Variants in TEAD4 observed in about 807,000 individuals in gnomAD.
The protein encoded by TEAD4 is transcriptional enhancer factor TEF-3.
Under a neutral mutation model 52.4 loss-of-function variants are expected in TEAD4, and 36 were observed. That is an observed-to-expected ratio of 0.69 (90% CI 0.53 to 0.91). The LOEUF (loss-of-function observed/expected upper bound fraction) is 0.91. Ranked by LOEUF, TEAD4 falls within the 40% of genes least tolerant of loss-of-function variation. The pLI, the probability that TEAD4 is intolerant of heterozygous loss-of-function variation, is 0.00. For missense variants in TEAD4, 508 were observed against 583.9 expected (o/e 0.87, Z 1.34); for synonymous variants, 220 against 231.0 (o/e 0.95, Z 0.43).
chr12:3,030,369 G>T (rs1257279973), intron 10 of TEAD4, among the ~76,000 whole-genome samples: 4 of 152,086 alleles, frequency 2.6e-5, no homozygotes, highest in Admixed American at 6.6e-5. Flanking sequence ...GCATGGGAGG[G>T]GTGGGCCTGG....
intron 2 of TEAD4, among the ~76,000 whole-genome samples, chr12:2,991,509 A>G (rs186811415): frequency 2.0e-3 from 304 of 152,252 alleles, no homozygotes; most frequent in Non-Finnish European, 3.8e-3. Context: ...TAAAAATACA[A>G]AAATCAGCTG....
chr12:2,965,486 TA>T lies in TEAD4; in HGVS notation c.-30+5457del, dbSNP rs1370799281. 9.0e-3 allele frequency among the ~76,000 whole-genome samples: 1,317 copies of T among 146,496 alleles called. 59 individuals are homozygous for T. The highest frequency in any genetic ancestry group is 0.075 in the Admixed American group (1,106 of 14,800). ...ATTTAAAATTTTCTAGTAGCCACCT[TA>T]AAAAAAAAAAGTGAAGTTAATGTTG... On this transcript the variant is annotated intron_variant, in intron 2 of 12. Transcript: ENST00000359864.
At chr12:2,978,938 T>C (rs2098232021) in intron 2 of TEAD4, among the ~76,000 whole-genome samples, 1 of 151,340 alleles carries the variant, frequency 6.6e-6, no homozygotes, top group Non-Finnish European at 1.5e-5. Flanking sequence ...GTTTTGGAGA[T>C]GGAGTCTCAC....
intron 2 of TEAD4, among the ~76,000 whole-genome samples, chr12:2,971,141 A>G (rs1316174658): frequency 3.3e-5 from 5 of 152,174 alleles, no homozygotes; most frequent in Admixed American, 3.3e-4. Context: ...TCCTCATGGA[A>G]CTTGCAGGGA....
chr12:3,040,297 G>C (rs2098281965), intron 12 of TEAD4, 38 bp downstream of exon 12: 1 of 1,613,918 alleles, frequency 6.2e-7, no homozygotes, highest in Non-Finnish European at 8.5e-7. Flanking sequence ...TGGAGTCTGT[G>C]TGTGGGTAGC....
At chr12:2,993,514 A>T (rs576381923) in intron 2 of TEAD4, among the ~76,000 whole-genome samples, 112 of 152,238 alleles carry the variant, frequency 7.4e-4, no homozygotes, top group African/African-American at 2.5e-3. Context: ...TCTGTCACCC[A>T]GGCTGGAGTG....
intron 3 of TEAD4, among the ~76,000 whole-genome samples, chr12:3,000,260 G>A (rs556122788): frequency 6.6e-6 from 1 of 152,204 alleles, no homozygotes; most frequent in Non-Finnish European, 1.5e-5. Context: ...GCTTGTCTTG[G>A]TCTGTTTTCT....
intron 5 of TEAD4, among the ~76,000 whole-genome samples, chr12:3,013,839 C>T (rs553832220): frequency 6.6e-6 from 1 of 152,326 alleles, no homozygotes; most frequent in African/African-American, 2.4e-5. Context: ...GCACCTGTGA[C>T]TGGCCACTTC....
chr12:2,990,061 A>G (rs1285944441), intron 2 of TEAD4, among the ~76,000 whole-genome samples: 1 of 152,218 alleles, frequency 6.6e-6, no homozygotes, highest in Non-Finnish European at 1.5e-5. Flanking sequence ...TTTAAAAAAT[A>G]CATCTGGGTA....
chr12:2,993,868 A>C (rs1206186265), intron 2 of TEAD4, among the ~76,000 whole-genome samples: 1 of 152,142 alleles, frequency 6.6e-6, no homozygotes, highest in Non-Finnish European at 1.5e-5. Flanking sequence ...TAATGTCCTA[A>C]AGGTCCGTCT....
At chr12:2,996,429 A>G (rs1352794184) in intron 3 of TEAD4, among the ~76,000 whole-genome samples, 1 of 135,912 alleles carries the variant, frequency 7.4e-6, no homozygotes, top group Non-Finnish European at 1.6e-5. Flanking sequence ...TTTTTTTGAG[A>G]TGGAGTTTCA....
intron 10 of TEAD4, among the ~76,000 whole-genome samples, chr12:3,036,809 A>G (rs2098279688): frequency 1.3e-5 from 2 of 152,072 alleles, no homozygotes; most frequent in Admixed American, 6.6e-5. Flanking sequence ...CAGGAATACA[A>G]TTCCTGCCTC....
intron 10 of TEAD4, among the ~76,000 whole-genome samples, chr12:3,026,165 T>C (rs544668682): frequency 6.6e-6 from 1 of 152,386 alleles, no homozygotes; most frequent in South Asian, 2.1e-4. Context: ...GGAATCTCTG[T>C]TATGATGTTG....
rs1359207116 is a variant in TEAD4 at position 2,975,394 on chromosome 12, TTATTATTAC to T, written c.-30+15357_-30+15365del. ...ATTATTATTATTATTATTATTATTA[TTATTATTAC>T]TAGAGATGGAGTCTTGCTCTTGTTG... is the stretch of plus-strand genomic sequence containing the variant. On this transcript the variant is annotated intron_variant, in intron 2 of 12. Transcript: ENST00000359864. 5.5e-4 allele frequency among the ~76,000 whole-genome samples: 26 copies of T among 47,454 alleles called. 1 individual carries two copies. The highest frequency in any genetic ancestry group is 2.1e-3 in the African/African-American group (26 of 12,226). 31.1% of individuals were successfully genotyped at this position (47,454 alleles called of 152,430 possible).
At chr12:3,018,464 C>T in intron 6 of TEAD4, 81 bp from the exon 7 acceptor site, 1 of 1,562,334 alleles carries the variant, frequency 6.4e-7, no homozygotes, top group Admixed American at 1.7e-5. Context: ...GAGGCCCTGC[C>T]CGGTCCTACC....
At chr12:2,974,173 T>C (rs965363154) in intron 2 of TEAD4, among the ~76,000 whole-genome samples, 5 of 152,144 alleles carry the variant, frequency 3.3e-5, no homozygotes, top group African/African-American at 1.2e-4. Flanking sequence ...GGCTAATTTT[T>C]GTATTTTTAG....
intron 3 of TEAD4, among the ~76,000 whole-genome samples, chr12:3,010,453 G>C (rs2098259375): frequency 6.6e-6 from 1 of 152,204 alleles, no homozygotes; most frequent in Non-Finnish European, 1.5e-5. Context: ...TTCTTTATGA[G>C]CGGACGGGCT....
Position 3,039,997 on chromosome 12 carries a change from C to T in TEAD4, c.1039-110C>T, listed in dbSNP as rs1017037501. The T allele has an allele frequency of 1.0e-5, 15 of 1,474,480 alleles. No individual in the cohort carries two copies. In the South Asian group the frequency reaches 1.7e-4, roughly 17 times the overall value. 91.3% of individuals were successfully genotyped at this position (1,474,480 alleles called of 1,614,324 possible). A position where few individuals can be genotyped will look rare whatever the true frequency, so the allele number is the denominator to read the frequency against. ...CCACTGCCCCTGGCTGGGGGTGACT[C>T]TTTTCTTAAGGGCCCCCAGGCTTTC... On this transcript the variant is annotated intron_variant, in intron 11 of 12. Transcript: ENST00000359864.
intron 2 of TEAD4, among the ~76,000 whole-genome samples, chr12:2,966,088 C>T (rs1225625530): frequency 6.6e-6 from 1 of 152,144 alleles, no homozygotes; most frequent in Non-Finnish European, 1.5e-5. Context: ...TACCTAGTAG[C>T]CAACCTGGGT....
Sources: gnomAD v4.1 joint callset for allele counts (sites outside exome capture counted in the v4.1 genomes callset) on GRCh38, gnomAD v4.1.1 for gene constraint, MANE v1.5 for transcripts, NCBI Gene and HGNC (gene_info 2026-07-23, HGNC 2026-07-21) for gene names.